ANGPT1: variants seen among roughly 807,000 people sequenced by gnomAD.
The protein encoded by ANGPT1 is angiopoietin-1.
In ANGPT1, 17 loss-of-function variants were observed where a neutral mutation model predicts 62.2. The ratio of observed to expected loss-of-function variants is 0.27; its 90% CI spans 0.19 to 0.41. ANGPT1 has a LOEUF of 0.41. Among genes scored for constraint, ANGPT1 ranks in the 10% least tolerant of loss-of-function variants. ANGPT1 has a pLI of 1.00. For missense variants in ANGPT1, 478 were observed against 594.9 expected (o/e 0.80, Z 2.04); for synonymous variants, 199 against 198.9 (o/e 1.00, Z 0.00).
At chr8:107,392,791 A>G (rs1193332795) in intron 1 of ANGPT1, among the ~76,000 whole-genome samples, 1 of 152,060 alleles carries the variant, frequency 6.6e-6, no homozygotes, top group African/African-American at 2.4e-5. Flanking sequence ...GTATAATGTA[A>G]TTTTATTCAT....
chr8:107,454,288 G>A (rs1262300006), intron 1 of ANGPT1, among the ~76,000 whole-genome samples: 1 of 151,438 alleles, frequency 6.6e-6, no homozygotes, highest in Non-Finnish European at 1.5e-5. Context: ...TGTGTAGGGA[G>A]GGTGACTTGT....
intron 1 of ANGPT1, among the ~76,000 whole-genome samples, chr8:107,390,135 ATCAT>A (rs1816807562): frequency 6.6e-6 from 1 of 152,182 alleles, no homozygotes; most frequent in East Asian, 1.9e-4. Flanking sequence ...TTTTTAACAC[ATCAT>A]TCACTCTTCA....
intron 1 of ANGPT1, among the ~76,000 whole-genome samples, chr8:107,407,448 T>C (rs999525345): frequency 6.6e-6 from 1 of 152,192 alleles, no homozygotes; most frequent in African/African-American, 2.4e-5. Flanking sequence ...CATGGCTTCA[T>C]GCACAATTTA....
intron 8 of ANGPT1, among the ~76,000 whole-genome samples, chr8:107,258,980 G>C (rs1421083258): frequency 3.3e-5 from 5 of 152,108 alleles, no homozygotes; most frequent in Non-Finnish European, 7.4e-5. Flanking sequence ...TATGCTATCT[G>C]CCACACACTA....
chr8:107,276,152 A>T (rs1314794217), intron 7 of ANGPT1, among the ~76,000 whole-genome samples: 1 of 152,164 alleles, frequency 6.6e-6, no homozygotes, highest in African/African-American at 2.4e-5. Context: ...TAAAATATAA[A>T]TTTTGATGAT....
chr8:107,452,305 A>G (rs994132972), intron 1 of ANGPT1, among the ~76,000 whole-genome samples: 1 of 151,698 alleles, frequency 6.6e-6, no homozygotes, highest in African/African-American at 2.4e-5. Context: ...TTAGGATCTT[A>G]CGGAGAGACC....
Position 107,355,035 on chromosome 8 carries a change from A to G in ANGPT1, c.298-7938T>C, listed in dbSNP as rs116324788. Among the ~76,000 whole-genome samples the G allele has an allele frequency of 3.9e-3, 580 of 150,308 alleles. 6 individuals are homozygous for G. Among genetic ancestry groups the G allele is most frequent in the African/African-American group, 0.014 (558 of 40,834 alleles). ...AAGTGGTTTCCTGCCTCGGCCTCCCAAGTATCCAGGCACATGCCACCACGC... is the reference window on the plus strand; with the variant it reads ...AAGTGGTTTCCTGCCTCGGCCTCCCGAGTATCCAGGCACATGCCACCACGC... On this transcript the variant is annotated intron_variant, in intron 1 of 8. Coordinates refer to ENST00000517746, the MANE Select transcript of ANGPT1 (RefSeq NM_001146.5).
Position 107,347,815 on chromosome 8 carries a change from CT to C in ANGPT1, c.298-719del, listed in dbSNP as rs1815837858. 3.3e-5 allele frequency among the ~76,000 whole-genome samples: 5 copies of C among 152,306 alleles called. No individual in the cohort carries two copies. The South Asian group carries it at 1.0e-3, about 32-fold the overall frequency. On this transcript the variant is annotated intron_variant, in intron 1 of 8. Coordinates refer to ENST00000517746, the MANE Select transcript of ANGPT1 (RefSeq NM_001146.5). ...AGTACAACCCATATAGCAGTATTTA[CT>C]CCTCTTGCTTTGGGTAATATTTAGT...
rs188606048 is a variant in ANGPT1 at position 107,300,009 on chromosome 8, A to G, written c.936+3231T>C. 9.1e-3 allele frequency among the ~76,000 whole-genome samples: 1,285 copies of G among 141,220 alleles called. 18 individuals are homozygous for G. Among genetic ancestry groups the G allele is most frequent in the African/African-American group, 0.028 (1,087 of 39,050 alleles). The allele number at this position is 141,220 out of a possible 152,430, so 92.6% of individuals were successfully genotyped here. On this transcript the variant is annotated intron_variant, in intron 5 of 8. Coordinates refer to ENST00000517746, the MANE Select transcript of ANGPT1 (RefSeq NM_001146.5). ...TATCTAGATATAACTATATATCTAG[A>G]TATCTAGATATGTAGTTATATCTAG...
At chr8:107,299,625 AT>A (rs1814516207) in intron 5 of ANGPT1, among the ~76,000 whole-genome samples, 1 of 139,460 alleles carries the variant, frequency 7.2e-6, no homozygotes, top group African/African-American at 2.6e-5. Flanking sequence ...ATATCTATAT[AT>A]AGATCTCTAT....
chr8:107,393,543 C>G (rs1284059193), intron 1 of ANGPT1, among the ~76,000 whole-genome samples: 1 of 152,166 alleles, frequency 6.6e-6, no homozygotes, highest in Non-Finnish European at 1.5e-5. Context: ...GGTGCAGCGG[C>G]TCACGCCTGT....
chr8:107,455,681 A>G (rs1811901422), intron 1 of ANGPT1, among the ~76,000 whole-genome samples: 1 of 152,032 alleles, frequency 6.6e-6, no homozygotes, highest in African/African-American at 2.4e-5. Context: ...TCTACTCATG[A>G]GTCATGTGGG....
At chr8:107,378,201 G>A (rs1456965360) in intron 1 of ANGPT1, among the ~76,000 whole-genome samples, 2 of 152,168 alleles carry the variant, frequency 1.3e-5, no homozygotes, top group African/African-American at 2.4e-5. Flanking sequence ...ATGGTGAAGG[G>A]AGTGCTCTTT....
intron 3 of ANGPT1, among the ~76,000 whole-genome samples, chr8:107,323,283 CTCGGTTTTCTCAG>C (rs1204766096): frequency 3.3e-5 from 5 of 152,144 alleles, no homozygotes; most frequent in Admixed American, 3.3e-4. Context: ...GAAAGGCTTA[CTCGGTTTTCTCAG>C]TTCTGTTTTC....
chr8:107,435,892 C>G (rs1314445752), intron 1 of ANGPT1, among the ~76,000 whole-genome samples: 1 of 152,064 alleles, frequency 6.6e-6, no homozygotes, highest in Admixed American at 6.5e-5. Context: ...TAATACAATA[C>G]AATTTTACTG....
intron 7 of ANGPT1, among the ~76,000 whole-genome samples, chr8:107,276,796 G>A (rs1813878231): frequency 6.6e-6 from 1 of 152,130 alleles, no homozygotes; most frequent in African/African-American, 2.4e-5. Context: ...CCGATACAGT[G>A]TTTTACAAAT....
chr8:107,410,663 A>C (rs185465930), intron 1 of ANGPT1, among the ~76,000 whole-genome samples: 1 of 152,190 alleles, frequency 6.6e-6, no homozygotes, highest in Admixed American at 6.5e-5. Context: ...TTATATATAA[A>C]AGTAACTTTC....
intron 8 of ANGPT1, among the ~76,000 whole-genome samples, chr8:107,255,675 T>A (rs1390770316): frequency 6.6e-6 from 1 of 152,112 alleles, no homozygotes; most frequent in Non-Finnish European, 1.5e-5. Context: ...GCTCACAGAG[T>A]TTAAGGAACT....
intron 7 of ANGPT1, among the ~76,000 whole-genome samples, chr8:107,270,148 T>C (rs1813705117): frequency 6.6e-6 from 1 of 152,054 alleles, no homozygotes; most frequent in African/African-American, 2.4e-5. Flanking sequence ...CCCAGTTTCT[T>C]ACTAATTTTC....
Sources: gnomAD v4.1 joint callset for allele counts (sites outside exome capture counted in the v4.1 genomes callset) on GRCh38, gnomAD v4.1.1 for gene constraint, MANE v1.5 for transcripts, NCBI Gene and HGNC (gene_info 2026-07-23, HGNC 2026-07-21) for gene names.